B3GALT1: variants seen among roughly 807,000 people sequenced by gnomAD.
B3GALT1 encodes the protein UDP-Gal:betaGlcNAc beta 1,3-galactosyltransferase, polypeptide 1.
In B3GALT1, 10 loss-of-function variants were observed where a neutral mutation model predicts 23.2. That is an observed-to-expected ratio of 0.43 (90% confidence interval 0.27 to 0.73). The LOEUF (loss-of-function observed/expected upper bound fraction) is 0.73, where lower values mean the gene tolerates loss of function less well. Ranked by LOEUF, B3GALT1 falls within the 30% of genes least tolerant of loss-of-function variation. The probability of loss-of-function intolerance (pLI) is 0.21; values close to 1 mark genes in which losing one functional copy is unlikely to be tolerated. For missense variants in B3GALT1, 299 were observed against 405.4 expected (o/e 0.74, Z 2.25); for synonymous variants, 156 against 141.5 (o/e 1.10, Z -0.73).
intron 2 of B3GALT1, among the ~76,000 whole-genome samples, chr2:167,594,183 G>C (rs1684734855): frequency 6.6e-6 from 1 of 152,154 alleles, no homozygotes. Flanking sequence ...TTTGCTGTGG[G>C]AGGCTACGTA....
chr2:167,507,335 T>C (rs141731804), intron 2 of B3GALT1, among the ~76,000 whole-genome samples: 27 of 151,470 alleles, frequency 1.8e-4, no homozygotes, highest in African/African-American at 6.5e-4. Context: ...TGAAACTCCA[T>C]CTCTACTAAA....
At chr2:167,564,291 C>CT (rs935351098) in intron 2 of B3GALT1, among the ~76,000 whole-genome samples, 4 of 151,708 alleles carry the variant, frequency 2.6e-5, no homozygotes, top group African/African-American at 9.7e-5. Context: ...CGCTCCCCCC[C>CT]TCCCAGATGT....
intron 4 of B3GALT1, among the ~76,000 whole-genome samples, chr2:167,838,375 AC>A (rs1413731895): frequency 6.6e-6 from 1 of 152,292 alleles, no homozygotes; most frequent in Non-Finnish European, 1.5e-5. Context: ...AATACAAACT[AC>A]CATCAGAGAA....
chr2:167,802,687 G>A (rs574258772), intron 3 of B3GALT1, among the ~76,000 whole-genome samples: 2 of 152,066 alleles, frequency 1.3e-5, no homozygotes, highest in Admixed American at 6.6e-5. Context: ...TATCTCCATC[G>A]TATTACATGT....
At chr2:167,372,847 T>C (rs536187461) in intron 1 of B3GALT1, among the ~76,000 whole-genome samples, 77 of 152,220 alleles carry the variant, frequency 5.1e-4, no homozygotes, top group African/African-American at 1.8e-3. Context: ...TGGTGTGATA[T>C]ATCATGTCTG....
intron 2 of B3GALT1, among the ~76,000 whole-genome samples, chr2:167,520,263 C>T (rs1322844113): frequency 6.6e-6 from 1 of 152,032 alleles, no homozygotes; most frequent in African/African-American, 2.4e-5. Context: ...CCATGTAATG[C>T]AGTCTTTTTT....
chr2:167,465,045 C>G (rs920165381), intron 1 of B3GALT1, among the ~76,000 whole-genome samples: 2 of 151,998 alleles, frequency 1.3e-5, no homozygotes, highest in Non-Finnish European at 1.5e-5. Context: ...TTTGGGGGTG[C>G]CTGCTACCTG....
chr2:167,743,857 T>G (rs986373698), intron 3 of B3GALT1, among the ~76,000 whole-genome samples: 3 of 152,136 alleles, frequency 2.0e-5, no homozygotes, highest in Non-Finnish European at 4.4e-5. Flanking sequence ...CCTCTGTTAT[T>G]CTGCTTTAGT....
chr2:167,428,530 T>G (rs1051757871), intron 1 of B3GALT1, among the ~76,000 whole-genome samples: 4 of 151,984 alleles, frequency 2.6e-5, no homozygotes, highest in Non-Finnish European at 5.9e-5. Flanking sequence ...CAAAAAAAAT[T>G]AGCCAGGCAT....
At chr2:167,776,551 T>C (rs977979021) in intron 3 of B3GALT1, among the ~76,000 whole-genome samples, 4 of 152,242 alleles carry the variant, frequency 2.6e-5, no homozygotes, top group Admixed American at 6.5e-5. Context: ...TACGTTTACT[T>C]GAAATTAGAT....
intron 2 of B3GALT1, among the ~76,000 whole-genome samples, chr2:167,548,677 T>TGTGTGTGA (rs1347775088): frequency 8.6e-6 from 1 of 115,632 alleles, no homozygotes; most frequent in East Asian, 3.2e-4. Flanking sequence ...TGTCCAGACG[T>TGTGTGTGA]GTGTGTGAGT....
intron 4 of B3GALT1, among the ~76,000 whole-genome samples, chr2:167,859,190 A>G (rs1276454422): frequency 6.6e-6 from 1 of 152,112 alleles, no homozygotes; most frequent in Non-Finnish European, 1.5e-5. Context: ...CCGGGCTTCT[A>G]GGCTCTAATG....
At chr2:167,548,091 A>G (rs748079307) in intron 2 of B3GALT1, among the ~76,000 whole-genome samples, 1 of 152,178 alleles carries the variant, frequency 6.6e-6, no homozygotes, top group Non-Finnish European at 1.5e-5. Flanking sequence ...GCTTTTACTC[A>G]TGATAGAATT....
At chr2:167,484,922 A>G (rs980781234) in intron 1 of B3GALT1, among the ~76,000 whole-genome samples, 1 of 152,214 alleles carries the variant, frequency 6.6e-6, no homozygotes, top group Non-Finnish European at 1.5e-5. Context: ...CTGTCATGTG[A>G]TGCTAGACTA....
intron 1 of B3GALT1, among the ~76,000 whole-genome samples, chr2:167,356,771 A>G (rs930455343): frequency 2.0e-5 from 3 of 152,016 alleles, no homozygotes; most frequent in South Asian, 2.1e-4. Context: ...ACACACATAT[A>G]GTTATTAAAT....
intron 2 of B3GALT1, among the ~76,000 whole-genome samples, chr2:167,567,168 T>G (rs916618148): frequency 6.6e-6 from 1 of 152,024 alleles, no homozygotes; most frequent in Non-Finnish European, 1.5e-5. Flanking sequence ...CTGAGGAGAG[T>G]GTGGCTGTAT....
chr2:167,431,213 A>T (rs147193309), intron 1 of B3GALT1, among the ~76,000 whole-genome samples: 77 of 152,362 alleles, frequency 5.1e-4, no homozygotes, highest in African/African-American at 1.7e-3. Flanking sequence ...GTCAGATTTA[A>T]TATTTTCCTC....
At chr2:167,562,686 T>A (rs1281037996) in intron 2 of B3GALT1, among the ~76,000 whole-genome samples, 1 of 150,284 alleles carries the variant, frequency 6.7e-6, no homozygotes, top group Non-Finnish European at 1.5e-5. Context: ...TTCTTGGGTG[T>A]TTCTCGCAGA....
chr2:167,597,560 G>A (rs904373711), intron 2 of B3GALT1, among the ~76,000 whole-genome samples: 1 of 152,212 alleles, frequency 6.6e-6, no homozygotes, highest in Admixed American at 6.5e-5. Flanking sequence ...TTCTGTCTTA[G>A]AGAAATGAGG....
Sources: gnomAD v4.1 joint callset for allele counts (sites outside exome capture counted in the v4.1 genomes callset) on GRCh38, gnomAD v4.1.1 for gene constraint, MANE v1.5 for transcripts, NCBI Gene and HGNC (gene_info 2026-07-23, HGNC 2026-07-21) for gene names.